Variants in ACSBG2 observed in about 807,000 individuals in gnomAD.
ACSBG2 encodes acyl-CoA synthetase bubblegum family member 2.
In ACSBG2, 62 loss-of-function variants were observed where a neutral mutation model predicts 74.7. The ratio of observed to expected loss-of-function variants is 0.83; its 90% CI spans 0.68 to 1.03. ACSBG2 has a LOEUF of 1.03. Among genes scored for constraint, ACSBG2 ranks in the 50% least tolerant of loss-of-function variants. The pLI is 0.00. For synonymous variants in ACSBG2, 309 were observed against 294.1 expected, an observed-to-expected ratio of 1.05 and a Z score of -0.52; for missense variants, 730 against 817.6, an observed-to-expected ratio of 0.89 and a Z score of 1.31.
chr19:6,151,824 G>A, intron 4 of ACSBG2, 29 bp downstream of exon 4: 1 of 1,565,300 alleles, frequency 6.4e-7, no homozygotes, highest in Non-Finnish European at 8.7e-7. Context: ...TTCATGGTGA[G>A]GGTTAAGGAG....
chr19:6,139,361 G>A lies in ACSBG2; in HGVS notation c.-31-2152G>A, dbSNP rs2088731294. ...CAGCCTCGGCCTTCCAAAGTGCTGG[G>A]ATTACAGGCGTGAGCCACCGCACCT... On this transcript the variant is annotated intron_variant, in intron 1 of 14. Coordinates refer to ENST00000588485, the MANE Select transcript of ACSBG2 (RefSeq NM_030924.5). Among the ~76,000 whole-genome samples the A allele has an allele frequency of 2.6e-5, 4 of 152,146 alleles. No homozygotes were observed. The South Asian group carries it at 6.2e-4, about 24-fold the overall frequency.
chr19:6,183,261 C>T lies in ACSBG2; in HGVS notation c.1311C>T (p.Tyr437=). ...ACACGATATCCAACCAGAATAACTA[C>T]AGGCTTCTAAGGTACCAGCCCCCGG... ...GPHTISNQNN[Y]RLLSCGKILT... is the part of the protein sequence containing the mutation. The change falls in exon 10 of 15, where the codon TAC becomes TAT. Residue 437 remains tyrosine (Y), a synonymous_variant. Coordinates refer to ENST00000588485, the MANE Select transcript of ACSBG2 (RefSeq NM_030924.5). The T allele has an allele frequency of 6.2e-7, 1 of 1,614,090 alleles. No homozygotes were observed. Among genetic ancestry groups the T allele is most frequent in the Non-Finnish European group, 8.5e-7 (1 of 1,179,934 alleles).
intron 3 of ACSBG2, among the ~76,000 whole-genome samples, chr19:6,148,980 A>T (rs2089140606): frequency 6.6e-6 from 1 of 151,842 alleles, no homozygotes; most frequent in South Asian, 2.1e-4. Flanking sequence ...GGTGGTGCAC[A>T]CCTGTAATCC....
intron 8 of ACSBG2, among the ~76,000 whole-genome samples, chr19:6,181,813 G>GCC (rs60054737): frequency 0.27 from 14,468 of 53,756 alleles, 2,378 homozygotes; most frequent in Admixed American, 0.35. Flanking sequence ...GTCCCCACCC[G>GCC]CCCCCCCCCC....
intron 6 of ACSBG2, 145 bp downstream of exon 6, chr19:6,161,440 C>T: frequency 1.5e-6 from 1 of 670,750 alleles, no homozygotes; most frequent in Non-Finnish European, 2.4e-6. Flanking sequence ...TGGGGACTCT[C>T]AAAGGAAGTG....
intron 8 of ACSBG2, among the ~76,000 whole-genome samples, chr19:6,178,696 C>T (rs1336421619): frequency 6.6e-6 from 1 of 152,068 alleles, no homozygotes; most frequent in African/African-American, 2.4e-5. Context: ...TTTTTTTCCT[C>T]CATCCTTTTG....
At chr19:6,156,282 CATT>C (rs1204304297) in intron 4 of ACSBG2, 146 bp from the exon 5 acceptor site, 4 of 747,516 alleles carry the variant, frequency 5.4e-6, no homozygotes, top group African/African-American at 1.8e-5. Context: ...TTGTCTTCAT[CATT>C]GTTAAGTTGG....
At chr19:6,157,528 A>C (rs1340065907) in intron 5 of ACSBG2, among the ~76,000 whole-genome samples, 2 of 152,098 alleles carry the variant, frequency 1.3e-5, no homozygotes, top group Admixed American at 1.3e-4. Flanking sequence ...GAGCCACTGC[A>C]CTCCAGCCTG....
At chr19:6,145,648 A>T (rs148890343) in intron 2 of ACSBG2, among the ~76,000 whole-genome samples, 33 of 152,048 alleles carry the variant, frequency 2.2e-4, no homozygotes, top group African/African-American at 7.7e-4. Context: ...ACAAACCAAC[A>T]ACTGTCTCCA....
At chr19:6,179,293 A>AAT (rs2090176955) in intron 8 of ACSBG2, among the ~76,000 whole-genome samples, 2 of 118,594 alleles carry the variant, frequency 1.7e-5, no homozygotes, top group Non-Finnish European at 3.4e-5. Context: ...TCTTTTCTAA[A>AAT]TTTTTTTTTT....
At chr19:6,156,195 C>T (rs41489445) in intron 4 of ACSBG2, among the ~76,000 whole-genome samples, 18,000 of 152,072 alleles carry the variant, frequency 0.12, 2,092 homozygotes, top group African/African-American at 0.31. Flanking sequence ...CTATAAAATG[C>T]GGTGTTCTAA....
chr19:6,190,639 T>C lies in ACSBG2; in HGVS notation c.1983T>C (p.Ile661=). ...TAGCCCAGAAATACAAAAAACAAAT[T>C]GATCACATGTACCACTGACTGCTTT... The part of the protein sequence containing the change: ...HFVAQKYKKQ[I]DHMYH The change falls in exon 14 of 15, where the codon ATT becomes ATC. Residue 661 remains isoleucine (I), a synonymous_variant. Transcript: ENST00000588485. 6.2e-7 allele frequency: 1 copy of C among 1,614,014 alleles called. No homozygotes were observed. The highest frequency in any genetic ancestry group is 2.2e-5 in the East Asian group (1 of 44,882).
At chr19:6,187,235 T>C (rs773383126) in intron 11 of ACSBG2, 48 bp from the exon 12 acceptor site, 2 of 1,610,062 alleles carry the variant, frequency 1.2e-6, no homozygotes, top group Non-Finnish European at 8.5e-7. Flanking sequence ...AAACTGGGGG[T>C]TCCACGTTGT....
rs1168622007 is a variant in ACSBG2, at chr19:6,151,804, A to G, written c.386+9A>G. On this transcript the variant is annotated intron_variant, in intron 4 of 14. Transcript: ENST00000588485. ...GGTGCCATCCTAGCCGGGTAAGGTC[A>G]TTGGCTTGGTTCATGGTGAGGGTTA... The G allele has an allele frequency of 3.8e-6, 6 of 1,582,326 alleles. No individual in the cohort carries two copies. The Admixed American group carries it at 1.1e-4, about 29-fold the overall frequency.
intron 12 of ACSBG2, 70 bp from the exon 13 acceptor site, chr19:6,187,529 C>G: frequency 1.2e-6 from 2 of 1,605,666 alleles, no homozygotes; most frequent in East Asian, 4.5e-5. Context: ...AGACCCACTT[C>G]TTGGTCTGTG....
At chr19:6,151,904 C>A in intron 4 of ACSBG2, 109 bp downstream of exon 4, 4 of 963,034 alleles carry the variant, frequency 4.2e-6, no homozygotes, top group Non-Finnish European at 6.4e-6. Flanking sequence ...TGGATGAACG[C>A]CCTAGTTAGC....
intron 7 of ACSBG2, among the ~76,000 whole-genome samples, 192 bp downstream of exon 7, chr19:6,166,207 T>C (rs568693679): frequency 9.9e-5 from 15 of 151,732 alleles, no homozygotes; most frequent in African/African-American, 3.6e-4. Flanking sequence ...ATGCTGGCCA[T>C]GTCAAAAGCA....
intron 12 of ACSBG2, 84 bp from the exon 13 acceptor site, chr19:6,187,515 T>C (rs2090441932): frequency 6.9e-6 from 11 of 1,603,236 alleles, no homozygotes; most frequent in African/African-American, 2.7e-5. Flanking sequence ...CATCTGTGGG[T>C]TCAAGACCCA....
At chr19:6,191,945 GGAGT>G (rs1031390932) in intron 14 of ACSBG2, 6 of 151,926 alleles carry the variant, frequency 3.9e-5, no homozygotes, top group South Asian at 4.1e-4. Context: ...CATTGATGTG[GGAGT>G]GAGAGATGGA....
Sources: gnomAD v4.1 joint callset for allele counts (sites outside exome capture counted in the v4.1 genomes callset) on GRCh38, gnomAD v4.1.1 for gene constraint, MANE v1.5 for transcripts, NCBI Gene and HGNC (gene_info 2026-07-23, HGNC 2026-07-21) for gene names.